Variants in DENND3 observed in about 807,000 individuals in gnomAD.
The protein encoded by DENND3 is DENN domain-containing protein 3.
DENND3 carries 88 observed loss-of-function variants against 135.1 expected under a neutral mutation model. That is an observed-to-expected ratio of 0.65 (90% CI 0.55 to 0.78). DENND3 has a LOEUF of 0.78. DENND3 is among the 30% of genes least tolerant of loss of function. The pLI, the probability that DENND3 is intolerant of heterozygous loss-of-function variation, is 0.00. For missense variants in DENND3, 1,392 were observed against 1,688.4 expected (o/e 0.82, Z 3.08); for synonymous variants, 693 against 712.3 (o/e 0.97, Z 0.43).
In DENND3 at chr8:141,146,692, T is replaced by C. The variant is rs1303582228; in HGVS notation, c.735+2433T>C. ...TAACATTACCCCAACCCCAGCAGTC[T>C]GCTGGGTGGAAAATCCTGCCGGTGC... is the stretch of plus-strand genomic sequence containing the variant. On this transcript the variant is annotated intron_variant, in intron 5 of 22. Coordinates refer to ENST00000519811, the MANE Select transcript of DENND3 (RefSeq NM_001352890.3). The surrounding 1 kb of genome is among the most constrained non-coding windows in gnomAD (Gnocchi z 4.3). 1.3e-5 allele frequency among the ~76,000 whole-genome samples: 2 copies of C among 152,184 alleles called. No individual in the cohort carries two copies. Among genetic ancestry groups the C allele is most frequent in the African/African-American group, 4.8e-5 (2 of 41,438 alleles).
rs1417532705 is a variant in DENND3 at position 141,137,889 on chromosome 8, C to T, written c.386-133C>T. The T allele has an allele frequency of 3.7e-6, 3 of 809,662 alleles. No individual in the cohort carries two copies. The highest frequency in any genetic ancestry group is 2.8e-5 in the Admixed American group (1 of 35,288). The allele number at this position is 809,662 out of a possible 1,614,324, so 50.2% of individuals were successfully genotyped here. On this transcript the variant is annotated intron_variant, in intron 2 of 22. Transcript: ENST00000519811. The surrounding 1 kb of genome is among the most constrained non-coding windows in gnomAD (Gnocchi z 4.1). ...CGGAGGCGTGATCGGAAGAATGAACCCGCCTTGGACATGAAGGCACCACCA... is the reference window on the plus strand; with the variant it reads ...CGGAGGCGTGATCGGAAGAATGAACTCGCCTTGGACATGAAGGCACCACCA...
At position 141,168,732 on chromosome 8, in the gene DENND3, G is replaced by A. The variant is rs1297313047; in HGVS notation, c.2275+207G>A. ...TGCCCGGCTAATTTTAGTATTTTTT[G>A]TAGAGACAGGGTTTCAGTATGTTGC... On this transcript the variant is annotated intron_variant, in intron 13 of 22. Coordinates refer to ENST00000519811, the MANE Select transcript of DENND3 (RefSeq NM_001352890.3). The surrounding 1 kb of genome is among the most constrained non-coding windows in gnomAD (Gnocchi z 6.2). Among the ~76,000 whole-genome samples the A allele has an allele frequency of 2.6e-5, 4 of 152,092 alleles. No homozygotes were observed. The highest frequency in any genetic ancestry group is 9.7e-5 in the African/African-American group (4 of 41,394).
chr8:141,140,094 G>A (rs1011278604), intron 3 of DENND3, among the ~76,000 whole-genome samples: 1 of 151,960 alleles, frequency 6.6e-6, no homozygotes, highest in East Asian at 1.9e-4. Context: ...CTTATTTTTT[G>A]TAGAGATGAG....
intron 17 of DENND3, among the ~76,000 whole-genome samples, chr8:141,184,121 C>A (rs1330299810): frequency 1.3e-5 from 2 of 152,202 alleles, no homozygotes; most frequent in African/African-American, 4.8e-5. Flanking sequence ...CCAGACCCTG[C>A]CACAGGAAAT....
intron 5 of DENND3, among the ~76,000 whole-genome samples, chr8:141,148,431 C>G (rs1232119496): frequency 6.6e-6 from 1 of 152,222 alleles, no homozygotes. Flanking sequence ...TCCAGCGGGA[C>G]TGATTTTACT....
At position 141,175,784 on chromosome 8, in the gene DENND3, C is replaced by G. The variant is rs893341154; in HGVS notation, c.2535+325C>G. Reference sequence around the variant, plus strand: ...CTCATTAGGGACAGTAGGACGCCTTCGTTCATCCATGAGATGTTTACTGAG... The same window carrying G: ...CTCATTAGGGACAGTAGGACGCCTTGGTTCATCCATGAGATGTTTACTGAG... On this transcript the variant is annotated intron_variant, in intron 14 of 22. Transcript: ENST00000519811. The surrounding 1 kb of genome is among the most constrained non-coding windows in gnomAD (Gnocchi z 5.4). 17 of 376,292 alleles carry G rather than the reference C, an allele frequency of 4.5e-5. No homozygotes were observed. The highest frequency in any genetic ancestry group is 1.0e-5 in the Non-Finnish European group (2 of 197,710). 23.3% of individuals were successfully genotyped at this position (376,292 alleles called of 1,614,324 possible).
chr8:141,173,820 C>T (rs1416738913), intron 13 of DENND3: 2 of 152,236 alleles, frequency 1.3e-5, no homozygotes, highest in Non-Finnish European at 2.9e-5. Flanking sequence ...CCTCACGGCC[C>T]AGGTCTGCTG....
intron 22 of DENND3, 42 bp downstream of exon 22, chr8:141,192,705 C>G: frequency 6.2e-7 from 1 of 1,606,002 alleles, no homozygotes. Context: ...CCCGGCAGGT[C>G]TCGCTTGCCC....
At chr8:141,185,079 C>G in intron 17 of DENND3, 60 bp from the exon 18 acceptor site, 2 of 1,564,802 alleles carry the variant, frequency 1.3e-6, no homozygotes, top group Non-Finnish European at 1.7e-6. Context: ...GGGCACCAGT[C>G]ACCTGCTGCT....
At chr8:141,172,067 C>G (rs1345457167) in intron 13 of DENND3, among the ~76,000 whole-genome samples, 1 of 130,478 alleles carries the variant, frequency 7.7e-6, no homozygotes, top group African/African-American at 3.1e-5. Flanking sequence ...GTGGTGGGCA[C>G]GCTGCATAGG....
At chr8:141,147,054 C>G (rs1191892178) in intron 5 of DENND3, among the ~76,000 whole-genome samples, 1 of 152,188 alleles carries the variant, frequency 6.6e-6, no homozygotes, top group Non-Finnish European at 1.5e-5. Flanking sequence ...TGACTCTCGG[C>G]TCCTTCATCT....
At position 141,141,322 on chromosome 8, in the gene DENND3, C is replaced by T; in HGVS notation, c.621C>T (p.Ser207=). 6.2e-7 allele frequency: 1 copy of T among 1,604,996 alleles called. No homozygotes were observed. Among genetic ancestry groups the T allele is most frequent in the Non-Finnish European group, 8.5e-7 (1 of 1,175,150 alleles). ...ACAACTCCCTCAAGGACTGCCTTTCCTGGTGAGCTGGGGCACCGGGGGCCA... is the reference window on the plus strand; with the variant it reads ...ACAACTCCCTCAAGGACTGCCTTTCTTGGTGAGCTGGGGCACCGGGGGCCA... ...PYYNSLKDCL[S]CLLALLKPCK... is the part of the protein sequence containing the mutation. Residue 207 remains serine (S), a splice_region_variant and synonymous_variant, in exon 4 of 23, where the codon TCC becomes TCT. Coordinates refer to ENST00000519811, the MANE Select transcript of DENND3 (RefSeq NM_001352890.3). The surrounding 1 kb of genome is among the most constrained non-coding windows in gnomAD (Gnocchi z 5.3).
chr8:141,163,540 A>G, intron 10 of DENND3, 111 bp downstream of exon 10: 1 of 676,156 alleles, frequency 1.5e-6, no homozygotes, highest in East Asian at 2.9e-5. Flanking sequence ...TTTTCCAAAA[A>G]GTTTGTTTTA....
At chr8:141,188,036 A>ATCAGCCAGGCGTGGTGG (rs761793910) in intron 18 of DENND3, among the ~76,000 whole-genome samples, 67 of 144,308 alleles carry the variant, frequency 4.6e-4, no homozygotes, top group African/African-American at 1.6e-3. Context: ...AAACTGCCAA[A>ATCAGCCAGGCGTGGTGG]CATCAGCCAG....
rs180758122 is a variant in DENND3, at chr8:141,154,814, C to T, written c.1075-1035C>T. Among the ~76,000 whole-genome samples the T allele has an allele frequency of 1.8e-4, 28 of 152,304 alleles. No individual in the cohort carries two copies. In the East Asian group the frequency reaches 4.6e-3, roughly 25 times the overall value. ...CTGATCTCAGGTGATCCACCCACCT[C>T]GGCCTCCCAAAGTGTTGGGATTACA... On this transcript the variant is annotated intron_variant, in intron 7 of 22. Coordinates refer to ENST00000519811, the MANE Select transcript of DENND3 (RefSeq NM_001352890.3). The surrounding 1 kb of genome is among the most constrained non-coding windows in gnomAD (Gnocchi z 4.4).
At chr8:141,181,990 C>T (rs1054906556) in intron 17 of DENND3, among the ~76,000 whole-genome samples, 21 of 152,078 alleles carry the variant, frequency 1.4e-4, no homozygotes, top group African/African-American at 4.1e-4. Context: ...GACGGGGTTT[C>T]GCCATGTTGC....
At chr8:141,171,211 AC>A (rs1821509731) in intron 13 of DENND3, among the ~76,000 whole-genome samples, 1 of 152,240 alleles carries the variant, frequency 6.6e-6, no homozygotes, top group African/African-American at 2.4e-5. Flanking sequence ...GTTAAAAAAA[AC>A]AACAAGGTTT....
intron 17 of DENND3, among the ~76,000 whole-genome samples, chr8:141,181,983 G>A (rs563273702): frequency 2.1e-4 from 32 of 150,616 alleles, no homozygotes; most frequent in South Asian, 1.5e-3. Flanking sequence ...GTGTAGAGAC[G>A]GGGTTTCGCC....
chr8:141,184,573 C>A, intron 17 of DENND3: 1 of 152,350 alleles, frequency 6.6e-6, no homozygotes, highest in East Asian at 1.9e-4. Flanking sequence ...ATGGCCAGTT[C>A]AAGCCATCAG....
Sources: gnomAD v4.1 joint callset for allele counts (sites outside exome capture counted in the v4.1 genomes callset) on GRCh38, gnomAD v4.1.1 for gene constraint, Gnocchi (gnomAD v3.1) non-coding constraint, MANE v1.5 for transcripts, NCBI Gene and HGNC (gene_info 2026-07-23, HGNC 2026-07-21) for gene names.